Variants in IQGAP2 observed in about 807,000 individuals in gnomAD.
IQGAP2 encodes ras GTPase-activating-like protein IQGAP2.
A neutral mutation model predicts 201.3 loss-of-function variants in IQGAP2; 173 were observed. The ratio of observed to expected loss-of-function variants is 0.86; its 90% CI spans 0.76 to 0.98. IQGAP2 has a LOEUF of 0.98. Among genes scored for constraint, IQGAP2 ranks in the 50% least tolerant of loss-of-function variants. The pLI, the probability that IQGAP2 is intolerant of heterozygous loss-of-function variation, is 0.00. For missense variants in IQGAP2, 1,687 were observed against 1,864.8 expected (o/e 0.90, Z 1.76); for synonymous variants, 675 against 673.9 (o/e 1.00, Z -0.03).
chr5:76,516,478 A>AT (rs1347347528), intron 2 of IQGAP2, among the ~76,000 whole-genome samples: 2 of 152,126 alleles, frequency 1.3e-5, no homozygotes, highest in Non-Finnish European at 1.5e-5. Flanking sequence ...CTGATGGCAT[A>AT]TTTTTTTCAA....
chr5:76,562,452 G>T lies in IQGAP2; in HGVS notation c.203G>T (p.Gly68Val). 1 of 1,613,836 alleles carries T rather than the reference G, an allele frequency of 6.2e-7. No individual in the cohort carries two copies. Among genetic ancestry groups the T allele is most frequent in the Non-Finnish European group, 8.5e-7 (1 of 1,179,800 alleles). The change falls in exon 3 of 36, where the codon GGG becomes GTG. Residue 68 changes from glycine (G) to valine (V), a missense_variant. Transcript: ENST00000274364. ...ELPPTTELEE[G>V]LRNGVYLAKL... Reference sequence around the variant, plus strand: ...CCACCAACCACTGAATTGGAAGAAGGGCTCCGGAATGGAGTTTACCTTGCA... The same window carrying T: ...CCACCAACCACTGAATTGGAAGAAGTGCTCCGGAATGGAGTTTACCTTGCA...
At chr5:76,459,410 G>T (rs768567137) in intron 1 of IQGAP2, among the ~76,000 whole-genome samples, 3 of 152,106 alleles carry the variant, frequency 2.0e-5, no homozygotes, top group Non-Finnish European at 2.9e-5. Flanking sequence ...CAAGCACATG[G>T]GCTCCCACTA....
chr5:76,600,221 C>G (rs375193618), intron 10 of IQGAP2, among the ~76,000 whole-genome samples: 14 of 152,138 alleles, frequency 9.2e-5, no homozygotes, highest in East Asian at 5.8e-4. Context: ...CTTGCTTTAC[C>G]AAAAGATCAC....
At chr5:76,618,627 G>C (rs1321140461) in intron 13 of IQGAP2, 12 of 1,611,104 alleles carry the variant, frequency 7.4e-6, no homozygotes, top group Non-Finnish European at 1.0e-5. Context: ...CAAGTTGTTT[G>C]TATCATTTTC....
At chr5:76,521,918 C>A (rs113475421) in intron 2 of IQGAP2, among the ~76,000 whole-genome samples, 3,872 of 151,520 alleles carry the variant, frequency 0.026, 69 homozygotes, top group Admixed American at 0.037. Context: ...CCTCTAATTT[C>A]TGTGTTTGTG....
At chr5:76,434,588 T>A (rs376751750) in intron 1 of IQGAP2, among the ~76,000 whole-genome samples, 2 of 152,306 alleles carry the variant, frequency 1.3e-5, no homozygotes, top group African/African-American at 4.8e-5. Flanking sequence ...CTTTATCCAC[T>A]TATTGGTCAA....
intron 2 of IQGAP2, among the ~76,000 whole-genome samples, chr5:76,542,596 C>T (rs1742849000): frequency 6.6e-6 from 1 of 152,194 alleles, no homozygotes; most frequent in African/African-American, 2.4e-5. Context: ...TACTTAATAC[C>T]TCCACTGACA....
intron 5 of IQGAP2, among the ~76,000 whole-genome samples, chr5:76,585,701 A>G (rs1296844432): frequency 6.6e-6 from 1 of 152,018 alleles, no homozygotes; most frequent in East Asian, 1.9e-4. Flanking sequence ...TTTAGTAGAG[A>G]CAGGGTTTCT....
At chr5:76,636,083 A>G (rs1483687963) in intron 15 of IQGAP2, among the ~76,000 whole-genome samples, 1 of 152,202 alleles carries the variant, frequency 6.6e-6, no homozygotes, top group East Asian at 1.9e-4. Flanking sequence ...ATCAACACAT[A>G]TTAAAGAGCC....
At chr5:76,704,242 T>C (rs1747680819) in intron 35 of IQGAP2, among the ~76,000 whole-genome samples, 1 of 152,246 alleles carries the variant, frequency 6.6e-6, no homozygotes, top group Non-Finnish European at 1.5e-5. Context: ...TGATACCCTT[T>C]GGTTAGTGAT....
rs980635021 is a variant in IQGAP2, at chr5:76,405,328, G to A, written c.46+1737G>A. Among the ~76,000 whole-genome samples the A allele has an allele frequency of 4.6e-5, 7 of 152,194 alleles. No homozygotes were observed. The South Asian group carries it at 1.4e-3, about 31-fold the overall frequency. ...AGCCTGAAGCCCACTCCACAGGGCCGCTTTCTTTGGAAATCTTCATCCAGC... is the reference window on the plus strand; with the variant it reads ...AGCCTGAAGCCCACTCCACAGGGCCACTTTCTTTGGAAATCTTCATCCAGC... On this transcript the variant is annotated intron_variant, in intron 1 of 35. Transcript: ENST00000274364.
At chr5:76,618,338 G>T in intron 13 of IQGAP2, 6 of 1,614,160 alleles carry the variant, frequency 3.7e-6, no homozygotes, top group Middle Eastern at 1.6e-4. Flanking sequence ...AGATGGATCT[G>T]GTCCTGAAGA....
At chr5:76,576,127 C>A (rs1473482112) in intron 5 of IQGAP2, among the ~76,000 whole-genome samples, 1 of 152,078 alleles carries the variant, frequency 6.6e-6, no homozygotes, top group African/African-American at 2.4e-5. Flanking sequence ...GCAGATATAT[C>A]AAATGAGCAA....
chr5:76,592,194 C>T (rs1320787566), intron 8 of IQGAP2, among the ~76,000 whole-genome samples: 6 of 152,144 alleles, frequency 3.9e-5, no homozygotes, highest in Non-Finnish European at 5.9e-5. Flanking sequence ...AGACATGCCC[C>T]GATTCTCTAT....
chr5:76,502,018 C>A (rs1757309700), intron 2 of IQGAP2, among the ~76,000 whole-genome samples: 1 of 152,170 alleles, frequency 6.6e-6, no homozygotes, highest in South Asian at 2.1e-4. Context: ...AAGCCACTCT[C>A]CTCCTTTGCT....
At position 76,630,995 on chromosome 5, in the gene IQGAP2, A is replaced by G. The variant is rs3797401; in HGVS notation, c.1613-864A>G. On this transcript the variant is annotated intron_variant, in intron 14 of 35. Coordinates refer to ENST00000274364, the MANE Select transcript of IQGAP2 (RefSeq NM_006633.5). ...CATAATTTGATGACAACGAATTGTA[A>G]TTTAATATTTGTAGAGTTTGATGTA... 5.3e-5 allele frequency among the ~76,000 whole-genome samples: 8 copies of G among 152,274 alleles called. No homozygotes were observed. In the East Asian group the frequency reaches 1.5e-3, roughly 29 times the overall value.
chr5:76,701,540 C>T (rs1410371012), intron 34 of IQGAP2, among the ~76,000 whole-genome samples: 2 of 152,124 alleles, frequency 1.3e-5, no homozygotes, highest in East Asian at 3.9e-4. Flanking sequence ...AAAATAGCAC[C>T]TTTCTCATTT....
chr5:76,466,502 A>G (rs1299260813), intron 2 of IQGAP2, among the ~76,000 whole-genome samples: 1 of 152,220 alleles, frequency 6.6e-6, no homozygotes, highest in Non-Finnish European at 1.5e-5. Flanking sequence ...AAGGATATGC[A>G]TATAGATCAA....
At chr5:76,542,430 T>C (rs902508619) in intron 2 of IQGAP2, among the ~76,000 whole-genome samples, 5 of 152,214 alleles carry the variant, frequency 3.3e-5, no homozygotes, top group African/African-American at 9.6e-5. Context: ...GCCAGCTTCG[T>C]TCCTTACCGG....
Sources: allele counts gnomAD v4.1 joint callset (sites outside exome capture counted in the v4.1 genomes callset), GRCh38; gene constraint gnomAD v4.1.1; transcripts MANE v1.5; gene names NCBI Gene and HGNC (gene_info 2026-07-23, HGNC 2026-07-21).